The following AFG2B variants were observed in gnomAD, a reference collection of about 807,000 sequenced individuals.
AFG2B encodes AAA ATPase AFG2B, also known as ATPase family gene 2 protein homolog B.
chr15:45,410,764 T>C, the AFG2B span, among the ~76,000 whole-genome samples: 3 of 152,194 alleles, frequency 2.0e-5, no homozygotes, highest in Non-Finnish European at 4.4e-5. Flanking sequence ...TTAAAGAGTT[T>C]ATAACCTAAG....
At chr15:45,409,123 C>T in the AFG2B span, among the ~76,000 whole-genome samples, 7 of 152,268 alleles carry the variant, frequency 4.6e-5, no homozygotes, top group African/African-American at 1.7e-4. Flanking sequence ...CACCTATAAT[C>T]CCAGCACTTT....
At chr15:45,415,576 C>A in the AFG2B span, 3 of 1,600,832 alleles carry the variant, frequency 1.9e-6, no homozygotes, top group Non-Finnish European at 2.6e-6. Context: ...ATATTTTTTT[C>A]CTAACAAAAG....
chr15:45,415,929 C>A, the AFG2B span: 1 of 738,404 alleles, frequency 1.4e-6, no homozygotes, highest in Non-Finnish European at 2.0e-6. Flanking sequence ...TTCAGTTTGA[C>A]TTTGTTAGGA....
At chr15:45,403,500 C>CG in the AFG2B span, 1 of 1,602,404 alleles carries the variant, frequency 6.2e-7, no homozygotes, top group Non-Finnish European at 8.5e-7. Context: ...TGCGTAGGCC[C>CG]GGGAGATTTG....
At chr15:45,415,931 T>C in the AFG2B span, 1 of 714,124 alleles carries the variant, frequency 1.4e-6, no homozygotes, top group Non-Finnish European at 2.1e-6. Context: ...CAGTTTGACT[T>C]TGTTAGGACT....
the AFG2B span, among the ~76,000 whole-genome samples, chr15:45,412,394 G>T: frequency 2.1e-5 from 3 of 143,694 alleles, no homozygotes; most frequent in African/African-American, 8.8e-5. Flanking sequence ...GTGAGACTCC[G>T]TCTCAAAAAA....
At chr15:45,420,808 A>G in the AFG2B span, among the ~76,000 whole-genome samples, 5 of 152,150 alleles carry the variant, frequency 3.3e-5, no homozygotes, top group Non-Finnish European at 1.5e-5. Flanking sequence ...CCCGGCCAAC[A>G]TGGTGAAACC....
At chr15:45,420,341 A>C in the AFG2B span, among the ~76,000 whole-genome samples, 3 of 152,160 alleles carry the variant, frequency 2.0e-5, no homozygotes, top group Non-Finnish European at 2.9e-5. Context: ...TTGTAAACAT[A>C]GTTAGCTACA....
At chr15:45,407,126 A>G in the AFG2B span, 1 of 1,288,772 alleles carries the variant, frequency 7.8e-7, no homozygotes, top group Non-Finnish European at 1.0e-6. Flanking sequence ...GGGCCTGCTC[A>G]GGTGTAGTTA....
At chr15:45,421,220 T>A in the AFG2B span, 1 of 1,585,520 alleles carries the variant, frequency 6.3e-7, no homozygotes. Flanking sequence ...AAAATCACCT[T>A]AAACTCTTGT....
At chr15:45,418,913 C>T in the AFG2B span, among the ~76,000 whole-genome samples, 2 of 151,922 alleles carry the variant, frequency 1.3e-5, no homozygotes, top group Admixed American at 6.6e-5. Context: ...TAGTGAGTTG[C>T]GGAAGTAGAG....
chr15:45,407,373 C>T, the AFG2B span: 57 of 396,730 alleles, frequency 1.4e-4, no homozygotes, highest in African/African-American at 1.2e-3. Flanking sequence ...GTTTAACACT[C>T]AGACACACAC....
the AFG2B span, chr15:45,418,584 A>G: frequency 6.2e-7 from 1 of 1,613,026 alleles, no homozygotes; most frequent in Non-Finnish European, 8.5e-7. Context: ...AAAAGTCTGT[A>G]CAAAAACCAT....
At chr15:45,402,354 G>A in the AFG2B span, 6 of 1,539,760 alleles carry the variant, frequency 3.9e-6, no homozygotes, top group Non-Finnish European at 5.2e-6. Flanking sequence ...TCCGGCCTGC[G>A]AGCTCGGTGT....
chr15:45,415,495 CAAAAAA>C, the AFG2B span: 33 of 839,484 alleles, frequency 3.9e-5, no homozygotes, highest in Non-Finnish European at 5.2e-5. Context: ...AAGACTGTCT[CAAAAAA>C]AAAAAAAAAA....
chr15:45,404,533 G>A, the AFG2B span, among the ~76,000 whole-genome samples: 2 of 152,136 alleles, frequency 1.3e-5, no homozygotes, highest in African/African-American at 2.4e-5. Flanking sequence ...TTGGCCGGGC[G>A]CGGTGGCTCA....
the AFG2B span, chr15:45,417,522 T>A: frequency 1.1e-6 from 1 of 945,710 alleles, no homozygotes; most frequent in East Asian, 2.6e-5. Context: ...TGGCCTTTCA[T>A]GACATCATAA....
the AFG2B span, chr15:45,415,512 ACAGGATT>A: frequency 6.6e-5 from 87 of 1,309,002 alleles, no homozygotes; most frequent in Admixed American, 3.7e-4. Flanking sequence ...AAAAAAAAAA[ACAGGATT>A]ATAAATAGTA....
At chr15:45,411,033 C>T in the AFG2B span, among the ~76,000 whole-genome samples, 1 of 152,066 alleles carries the variant, frequency 6.6e-6, no homozygotes, top group Non-Finnish European at 1.5e-5. Context: ...GAAACCCCGT[C>T]TCTACTAAAA....
Sources: allele counts gnomAD v4.1 joint callset (sites outside exome capture counted in the v4.1 genomes callset), GRCh38; gene constraint gnomAD v4.1.1; transcripts MANE v1.5; gene names NCBI Gene and HGNC (gene_info 2026-07-23, HGNC 2026-07-21).